The following DLGAP3 variants were observed in gnomAD, a reference collection of about 807,000 sequenced individuals.
DLGAP3 encodes the protein DLG associated protein 3.
Under a neutral mutation model 81.2 loss-of-function variants are expected in DLGAP3, and 17 were observed. The ratio of observed to expected loss-of-function variants is 0.21; its 90% CI spans 0.14 to 0.31. The LOEUF (loss-of-function observed/expected upper bound fraction) is 0.31. DLGAP3 is among the 10% of genes least tolerant of loss of function. The pLI is 1.00. For missense variants in DLGAP3, 1,124 were observed against 1,388.0 expected, an observed-to-expected ratio of 0.81 and a Z score of 3.02; for synonymous variants, 577 against 587.4, an observed-to-expected ratio of 0.98 and a Z score of 0.26.
intron 8 of DLGAP3, among the ~76,000 whole-genome samples, chr1:34,883,023 G>A (rs1372110443): frequency 6.6e-6 from 1 of 152,136 alleles, no homozygotes; most frequent in Non-Finnish European, 1.5e-5. Context: ...CAGCTTAAAT[G>A]TCACCTGTTA....
At chr1:34,924,539 G>A (rs1273747143) in intron 1 of DLGAP3, among the ~76,000 whole-genome samples, 2 of 152,186 alleles carry the variant, frequency 1.3e-5, no homozygotes, top group Non-Finnish European at 2.9e-5. Flanking sequence ...CTGAACTCCT[G>A]AGCTGTAACC....
At chr1:34,866,685 G>A (rs1277946278) in intron 11 of DLGAP3, among the ~76,000 whole-genome samples, 1 of 152,198 alleles carries the variant, frequency 6.6e-6, no homozygotes, top group Non-Finnish European at 1.5e-5. Context: ...GCGGCTGAGG[G>A]GACCCTCAAG....
intron 8 of DLGAP3, among the ~76,000 whole-genome samples, chr1:34,872,979 G>A (rs886148198): frequency 6.6e-6 from 1 of 152,226 alleles, no homozygotes; most frequent in Non-Finnish European, 1.5e-5. Flanking sequence ...AAAGAGAAAT[G>A]AAATGAAGAG....
chr1:34,888,281 A>G (rs1639263915), intron 5 of DLGAP3, among the ~76,000 whole-genome samples: 1 of 152,212 alleles, frequency 6.6e-6, no homozygotes, highest in African/African-American at 2.4e-5. Context: ...AAATAGAGCC[A>G]TTTCTATTCC....
intron 1 of DLGAP3, among the ~76,000 whole-genome samples, chr1:34,921,050 G>A (rs1219278751): frequency 6.6e-6 from 1 of 152,168 alleles, no homozygotes; most frequent in Non-Finnish European, 1.5e-5. Context: ...AGCATTTCAG[G>A]CTGAGGGGAA....
chr1:34,920,366 C>A (rs1320400332), intron 1 of DLGAP3, among the ~76,000 whole-genome samples: 1 of 152,114 alleles, frequency 6.6e-6, no homozygotes, highest in Non-Finnish European at 1.5e-5. Flanking sequence ...TGACAAGATC[C>A]AAAAGGAAGG....
intron 6 of DLGAP3, 71 bp from the exon 7 acceptor site, chr1:34,885,862 G>A (rs1639218207): frequency 3.1e-6 from 4 of 1,290,896 alleles, no homozygotes; most frequent in South Asian, 3.2e-5. Flanking sequence ...GCCCGCGCCC[G>A]ACTCCCACCC....
chr1:34,885,971 C>G, intron 6 of DLGAP3, 101 bp downstream of exon 6: 1 of 1,282,524 alleles, frequency 7.8e-7, no homozygotes, highest in Non-Finnish European at 1.1e-6. Flanking sequence ...CGGGAGCGAG[C>G]GATCTGCGCG....
At chr1:34,919,042 C>G (rs1051073502) in intron 1 of DLGAP3, among the ~76,000 whole-genome samples, 11 of 152,210 alleles carry the variant, frequency 7.2e-5, no homozygotes, top group African/African-American at 2.7e-4. Flanking sequence ...ACACCGCGGG[C>G]AGGTGGGCGG....
chr1:34,914,892 C>G (rs1015899104), intron 1 of DLGAP3, among the ~76,000 whole-genome samples: 1 of 152,142 alleles, frequency 6.6e-6, no homozygotes, highest in East Asian at 1.9e-4. Context: ...TTTGCCTGGG[C>G]TTCTTTTGAA....
intron 1 of DLGAP3, among the ~76,000 whole-genome samples, chr1:34,909,566 CAA>C (rs1221152698): frequency 6.6e-6 from 1 of 152,148 alleles, no homozygotes; most frequent in Non-Finnish European, 1.5e-5. Context: ...TTTGGATTTA[CAA>C]AATCCCCAGT....
chr1:34,871,748 C>T (rs550842805), intron 8 of DLGAP3, among the ~76,000 whole-genome samples: 1 of 152,312 alleles, frequency 6.6e-6, no homozygotes, highest in East Asian at 1.9e-4. Context: ...CGCTGCCTTC[C>T]GCCTGTCCTC....
chr1:34,896,541 A>G, intron 5 of DLGAP3, among the ~76,000 whole-genome samples: 1 of 151,294 alleles, frequency 6.6e-6, no homozygotes, highest in East Asian at 1.9e-4. Context: ...GTGAGCAGAG[A>G]TCTAGCCACT....
Position 34,900,247 on chromosome 1 carries a change from G to A in DLGAP3, c.1134C>T (p.Tyr378=). ...LQVPQDDWGG[Y]PTGGKDGEIP... ...TCTCCCCATCCTTGCCACCGGTGGGGTAACCCCCCCAGTCATCTTGCGGCA... is the reference window on the plus strand; with the variant it reads ...TCTCCCCATCCTTGCCACCGGTGGGATAACCCCCCCAGTCATCTTGCGGCA... The change falls in exon 4 of 12, where the codon TAC becomes TAT. Residue 378 remains tyrosine, a synonymous_variant. Coordinates refer to ENST00000373347, the MANE Select transcript of DLGAP3 (RefSeq NM_001080418.3). This position sits in a 1 kb window ranked among gnomAD's most constrained non-coding sequence, Gnocchi z 5.6. 1.2e-6 allele frequency: 2 copies of A among 1,614,068 alleles called. No homozygotes were observed. The highest frequency in any genetic ancestry group is 1.1e-5 in the South Asian group (1 of 91,086).
chr1:34,868,549 G>T lies in DLGAP3; in HGVS notation c.2485+56C>A. The T allele has an allele frequency of 6.7e-7, 1 of 1,494,338 alleles. No individual in the cohort carries two copies. Among genetic ancestry groups the T allele is most frequent in the South Asian group, 1.1e-5 (1 of 88,656 alleles). The allele number at this position is 1,494,338 out of a possible 1,614,324, so 92.6% of individuals were successfully genotyped here. A position where few individuals can be genotyped will look rare whatever the true frequency, so the allele number is the denominator to read the frequency against. ...CCAGCCACCCCCATCAGGGTCTCCTGAGCACACACGAGGCCATGGTCCCCA... is the reference window on the plus strand; with the variant it reads ...CCAGCCACCCCCATCAGGGTCTCCTTAGCACACACGAGGCCATGGTCCCCA... On this transcript the variant is annotated intron_variant, in intron 9 of 11. Transcript: ENST00000373347. This position sits in a 1 kb window ranked among gnomAD's most constrained non-coding sequence, Gnocchi z 7.5.
Position 34,912,564 on chromosome 1 carries a change from C to G in DLGAP3, c.-134-5127G>C, listed in dbSNP as rs544921194. Reference sequence around the variant, plus strand: ...GGTCAGCCCTATCCAATCCCCTCACCTGGAGCCTATGAGATCATCCCCACA... The same window carrying G: ...GGTCAGCCCTATCCAATCCCCTCACGTGGAGCCTATGAGATCATCCCCACA... On this transcript the variant is annotated intron_variant, in intron 1 of 11. Transcript: ENST00000373347. Among the ~76,000 whole-genome samples the G allele has an allele frequency of 5.3e-5, 8 of 152,334 alleles. No homozygotes were observed. The East Asian group carries it at 1.5e-3, about 29-fold the overall frequency.
At position 34,873,014 on chromosome 1, in the gene DLGAP3, TA is replaced by T. The variant is rs1442280261; in HGVS notation, c.2001-3926del. 6.6e-6 allele frequency among the ~76,000 whole-genome samples: 1 copy of T among 152,132 alleles called. No homozygotes were observed. ...GAGAGAAGAGAGGAGGAACCAGATATAAGGATGGATAAAAAAGAATAACATC... is the reference window on the plus strand; with the variant it reads ...GAGAGAAGAGAGGAGGAACCAGATATAGGATGGATAAAAAAGAATAACATC... On this transcript the variant is annotated intron_variant, in intron 8 of 11. Coordinates refer to ENST00000373347, the MANE Select transcript of DLGAP3 (RefSeq NM_001080418.3). The surrounding 1 kb of genome is among the most constrained non-coding windows in gnomAD (Gnocchi z 4.2).
At position 34,905,184 on chromosome 1, in the gene DLGAP3, T is replaced by C. The variant is rs1282898084; in HGVS notation, c.200A>G (p.Glu67Gly). ...TCCCTCAGGGCCTACCGACGGCCCC[T>C]CACTCAGGCTCAGGGGCCCTTCAGG... ...ISPEGPLSLS[E>G]GPSVGPEGGP... The change falls in exon 3 of 12, where the codon GAG becomes GGG. Residue 67 changes from glutamate (E) to glycine (G), a missense_variant. Coordinates refer to ENST00000373347, the MANE Select transcript of DLGAP3 (RefSeq NM_001080418.3). 2 of 1,581,824 alleles carry C rather than the reference T, an allele frequency of 1.3e-6. No individual in the cohort carries two copies. The highest frequency in any genetic ancestry group is 2.3e-5 in the East Asian group (1 of 43,406).
At chr1:34,903,771 G>A (rs185730610) in intron 3 of DLGAP3, among the ~76,000 whole-genome samples, 171 of 152,288 alleles carry the variant, frequency 1.1e-3, no homozygotes, top group African/African-American at 3.9e-3. Context: ...CCGGTACCCC[G>A]GAATGACAAA....
Sources: allele counts gnomAD v4.1 joint callset (sites outside exome capture counted in the v4.1 genomes callset), GRCh38; gene constraint gnomAD v4.1.1; non-coding constraint Gnocchi (gnomAD v3.1); transcripts MANE v1.5; gene names NCBI Gene and HGNC (gene_info 2026-07-23, HGNC 2026-07-21).